The following AUH variants were observed in gnomAD, a reference collection of about 807,000 sequenced individuals.
The protein encoded by AUH is AU RNA binding methylglutaconyl-CoA hydratase.
A neutral mutation model predicts 42.3 loss-of-function variants in AUH; 29 were observed. That is an observed-to-expected ratio of 0.69 (90% CI 0.51 to 0.93). The LOEUF (loss-of-function observed/expected upper bound fraction) is 0.93, where lower values mean the gene tolerates loss of function less well. AUH is among the 40% of genes least tolerant of loss of function. AUH has a pLI of 0.00. For missense variants in AUH, 452 were observed against 438.1 expected, an observed-to-expected ratio of 1.03 and a Z score of -0.28; for synonymous variants, 174 against 166.4, an observed-to-expected ratio of 1.05 and a Z score of -0.35.
rs147474597 is a variant in AUH, at chr9:91,238,416, TG to T, written c.656-17425del. On this transcript the variant is annotated intron_variant, in intron 6 of 9. Transcript: ENST00000375731. ...TGTTTGCATCTCACTGCCTAGAACT[TG>T]GCCATGTGTAGCTGGAGGAGGCTGG... Among the ~76,000 whole-genome samples, 454 of 152,310 alleles carry T rather than the reference TG, an allele frequency of 3.0e-3. 5 individuals are homozygous for T. Among genetic ancestry groups the T allele is most frequent in the African/African-American group, 0.01 (435 of 41,566 alleles).
In AUH at chr9:91,291,089, C is replaced by A. The variant is rs554778872; in HGVS notation, c.655+4932G>T. Among the ~76,000 whole-genome samples, 27 of 152,266 alleles carry A rather than the reference C, an allele frequency of 1.8e-4. 1 individual carries two copies. In the South Asian group the frequency reaches 5.2e-3, roughly 29 times the overall value. On this transcript the variant is annotated intron_variant, in intron 6 of 9. Coordinates refer to ENST00000375731, the MANE Select transcript of AUH (RefSeq NM_001698.3). ...CTCACCCATGGCTTCCCGTGGCTGCCGACAACCCTTGGCATTCCTTGGCAT... is the reference window on the plus strand; with the variant it reads ...CTCACCCATGGCTTCCCGTGGCTGCAGACAACCCTTGGCATTCCTTGGCAT...
intron 6 of AUH, among the ~76,000 whole-genome samples, chr9:91,280,042 A>G (rs897638379): frequency 6.6e-6 from 1 of 152,230 alleles, no homozygotes; most frequent in African/African-American, 2.4e-5. Context: ...TGGTAAGTCC[A>G]AACAATTCAC....
chr9:91,308,999 C>T (rs1396077579), intron 4 of AUH, among the ~76,000 whole-genome samples: 1 of 151,788 alleles, frequency 6.6e-6, no homozygotes, highest in East Asian at 2.0e-4. Context: ...ACCCTGTTGG[C>T]CAGGCTGGTC....
At chr9:91,347,362 C>T (rs893635118) in intron 3 of AUH, among the ~76,000 whole-genome samples, 2 of 152,072 alleles carry the variant, frequency 1.3e-5, no homozygotes, top group African/African-American at 4.8e-5. Context: ...TGGCTCTGAA[C>T]CCCGCTGTTT....
intron 8 of AUH, among the ~76,000 whole-genome samples, chr9:91,216,575 A>G (rs1004842984): frequency 3.9e-5 from 6 of 152,292 alleles, no homozygotes; most frequent in East Asian, 1.9e-4. Flanking sequence ...ATGAAACTGT[A>G]TTTACTGTTA....
At chr9:91,224,965 G>A (rs1265767301) in intron 6 of AUH, among the ~76,000 whole-genome samples, 1 of 152,106 alleles carries the variant, frequency 6.6e-6, no homozygotes, top group Non-Finnish European at 1.5e-5. Context: ...AAGTTACAAT[G>A]CAATATTGGA....
intron 6 of AUH, among the ~76,000 whole-genome samples, chr9:91,260,877 AAACTT>A (rs1829673139): frequency 6.6e-6 from 1 of 152,166 alleles, no homozygotes; most frequent in Non-Finnish European, 1.5e-5. Context: ...CAGATTCACT[AAACTT>A]TTCTTCTACA....
At chr9:91,345,608 TG>T (rs1417831679) in intron 3 of AUH, among the ~76,000 whole-genome samples, 4 of 151,594 alleles carry the variant, frequency 2.6e-5, no homozygotes, top group African/African-American at 9.7e-5. Flanking sequence ...CCGAGGCAGG[TG>T]GATCACGAGA....
chr9:91,260,452 A>G (rs913696581), intron 6 of AUH, among the ~76,000 whole-genome samples: 4 of 151,990 alleles, frequency 2.6e-5, no homozygotes, highest in Admixed American at 1.3e-4. Flanking sequence ...ATTCCATTCT[A>G]TCCTCACTAC....
At chr9:91,222,316 T>C (rs575337343) in intron 6 of AUH, among the ~76,000 whole-genome samples, 1 of 152,326 alleles carries the variant, frequency 6.6e-6, no homozygotes, top group South Asian at 2.1e-4. Context: ...TAAGATGCCA[T>C]TATTAAGCAA....
At chr9:91,215,942 A>G in intron 9 of AUH, 117 bp downstream of exon 9, 1 of 1,065,428 alleles carries the variant, frequency 9.4e-7, no homozygotes. Flanking sequence ...ACCCATTTGT[A>G]TGATTTTGGA....
intron 4 of AUH, among the ~76,000 whole-genome samples, chr9:91,318,707 C>T (rs1222673117): frequency 7.2e-5 from 11 of 152,224 alleles, no homozygotes; most frequent in Non-Finnish European, 1.5e-4. Context: ...GGCCCCTTCA[C>T]CAGATGGAAC....
At chr9:91,310,980 C>T (rs1828659830) in intron 4 of AUH, among the ~76,000 whole-genome samples, 1 of 152,080 alleles carries the variant, frequency 6.6e-6, no homozygotes. Context: ...TAATAAAATT[C>T]AAATGTATCC....
At chr9:91,336,752 C>G (rs1166050133) in intron 3 of AUH, among the ~76,000 whole-genome samples, 2 of 151,778 alleles carry the variant, frequency 1.3e-5, no homozygotes, top group African/African-American at 4.8e-5. Flanking sequence ...AAAGCTGAAT[C>G]TAGGTTTCAA....
At chr9:91,349,549 C>T (rs1374847465) in intron 3 of AUH, among the ~76,000 whole-genome samples, 1 of 152,184 alleles carries the variant, frequency 6.6e-6, no homozygotes, top group Non-Finnish European at 1.5e-5. Flanking sequence ...CCCAATCAGA[C>T]TTCTTTAGAA....
At chr9:91,237,200 C>G (rs1213627587) in intron 6 of AUH, among the ~76,000 whole-genome samples, 1 of 152,134 alleles carries the variant, frequency 6.6e-6, no homozygotes, top group Non-Finnish European at 1.5e-5. Flanking sequence ...CAAAGAATTT[C>G]AAAACTGTTT....
At chr9:91,292,494 G>C (rs563974941) in intron 6 of AUH, among the ~76,000 whole-genome samples, 7 of 151,768 alleles carry the variant, frequency 4.6e-5, no homozygotes, top group Non-Finnish European at 8.8e-5. Context: ...GGCCAGGCTG[G>C]TCTCAAACTC....
chr9:91,256,921 A>C (rs1328370233), intron 6 of AUH, among the ~76,000 whole-genome samples: 4 of 152,146 alleles, frequency 2.6e-5, no homozygotes, highest in Non-Finnish European at 4.4e-5. Context: ...GCGGACAAAA[A>C]TAACATAGGC....
intron 3 of AUH, among the ~76,000 whole-genome samples, chr9:91,333,354 A>G (rs1301343317): frequency 6.6e-6 from 1 of 152,084 alleles, no homozygotes; most frequent in Non-Finnish European, 1.5e-5. Flanking sequence ...ATTTCTTTGC[A>G]ACAAAATGTG....
Sources: gnomAD v4.1 joint callset for allele counts (sites outside exome capture counted in the v4.1 genomes callset) on GRCh38, gnomAD v4.1.1 for gene constraint, MANE v1.5 for transcripts, NCBI Gene and HGNC (gene_info 2026-07-23, HGNC 2026-07-21) for gene names.